ASTN2: variants seen among roughly 807,000 people sequenced by gnomAD.
The protein encoded by ASTN2 is astrotactin-2.
Under a neutral mutation model 139.8 loss-of-function variants are expected in ASTN2, and 54 were observed. The ratio of observed to expected loss-of-function variants is 0.39; its 90% confidence interval spans 0.31 to 0.48. The LOEUF is 0.48. Among genes scored for constraint, ASTN2 ranks in the 20% least tolerant of loss-of-function variants. ASTN2 has a pLI of 0.95. For synonymous variants in ASTN2, 756 were observed against 719.5 expected (o/e 1.05, Z -0.81); for missense variants, 1,565 against 1,725.1 (o/e 0.91, Z 1.64).
chr9:117,340,481 A>C (rs1026843980), intron 1 of ASTN2, among the ~76,000 whole-genome samples: 8 of 152,266 alleles, frequency 5.3e-5, no homozygotes, highest in South Asian at 2.1e-4. Context: ...CCACCTCTAA[A>C]GAATACATCA....
chr9:117,085,400 A>G (rs1347710682), intron 5 of ASTN2, among the ~76,000 whole-genome samples: 3 of 152,154 alleles, frequency 2.0e-5, no homozygotes, highest in African/African-American at 7.2e-5. Flanking sequence ...CATAGTTTGA[A>G]TCTTTCTCCT....
chr9:116,623,667 G>T (rs1856289297), intron 17 of ASTN2, among the ~76,000 whole-genome samples: 1 of 152,170 alleles, frequency 6.6e-6, no homozygotes, highest in Admixed American at 6.5e-5. Flanking sequence ...CAAGGTGATA[G>T]AACAACTTCA....
chr9:116,813,524 T>C (rs1831222575), intron 12 of ASTN2, among the ~76,000 whole-genome samples: 2 of 152,188 alleles, frequency 1.3e-5, no homozygotes, highest in African/African-American at 4.8e-5. Context: ...TAATTACAAA[T>C]GACCTCTTCC....
At chr9:116,673,145 G>A (rs1024408523) in intron 16 of ASTN2, among the ~76,000 whole-genome samples, 96 of 152,084 alleles carry the variant, frequency 6.3e-4, no homozygotes, top group Non-Finnish European at 5.9e-5. Flanking sequence ...TCATCTAGAG[G>A]GTATTTAAAC....
chr9:116,734,641 T>C (rs1237829946), intron 13 of ASTN2, among the ~76,000 whole-genome samples: 1 of 152,118 alleles, frequency 6.6e-6, no homozygotes, highest in African/African-American at 2.4e-5. Context: ...TTTTGACACA[T>C]GGAATGGTCA....
intron 3 of ASTN2, among the ~76,000 whole-genome samples, chr9:117,190,769 AC>A (rs1361443483): frequency 6.6e-6 from 1 of 151,960 alleles, no homozygotes; most frequent in African/African-American, 2.4e-5. Context: ...GATCATTAAG[AC>A]CTTTCCTGAG....
At chr9:116,451,900 T>C (rs968282758) in intron 20 of ASTN2, among the ~76,000 whole-genome samples, 3 of 151,828 alleles carry the variant, frequency 2.0e-5, no homozygotes, top group Middle Eastern at 3.4e-3. Context: ...AAAATGCAGG[T>C]TGGCATGTGG....
intron 11 of ASTN2, among the ~76,000 whole-genome samples, chr9:116,827,401 C>G (rs1363299826): frequency 6.7e-6 from 1 of 150,124 alleles, no homozygotes; most frequent in Non-Finnish European, 1.5e-5. Context: ...AAGATCAGAG[C>G]AGAAATAAAT....
At chr9:117,043,949 A>G (rs892961175) in intron 5 of ASTN2, among the ~76,000 whole-genome samples, 1 of 151,994 alleles carries the variant, frequency 6.6e-6, no homozygotes, top group African/African-American at 2.4e-5. Context: ...AAGAAAAAAC[A>G]AAGAGTCAAC....
chr9:116,477,888 A>C lies in ASTN2; in HGVS notation c.3497+9471T>G, dbSNP rs374711656. Among the ~76,000 whole-genome samples the C allele has an allele frequency of 4.0e-5, 6 of 151,212 alleles. No homozygotes were observed. The East Asian group carries it at 1.2e-3, about 30-fold the overall frequency. ...AAAAAAAAAAAAATGAAAGAAAAGAAAAAGACAGAGAGAGATGGACAGGAA... is the reference window on the plus strand; with the variant it reads ...AAAAAAAAAAAAATGAAAGAAAAGACAAAGACAGAGAGAGATGGACAGGAA... On this transcript the variant is annotated intron_variant, in intron 20 of 22. Coordinates refer to ENST00000313400, the MANE Select transcript of ASTN2 (RefSeq NM_001365068.1).
chr9:116,600,120 TG>T (rs1386798724), intron 19 of ASTN2, among the ~76,000 whole-genome samples: 1 of 151,982 alleles, frequency 6.6e-6, no homozygotes, highest in African/African-American at 2.4e-5. Flanking sequence ...TCCAGGAGTT[TG>T]GGACCAGCCT....
chr9:116,924,938 C>A (rs953899286), intron 10 of ASTN2, among the ~76,000 whole-genome samples: 1 of 152,118 alleles, frequency 6.6e-6, no homozygotes, highest in African/African-American at 2.4e-5. Context: ...AAGATGAAGT[C>A]ACTGTGGTTC....
At chr9:116,802,247 CG>C (rs1830883651) in intron 13 of ASTN2, among the ~76,000 whole-genome samples, 1 of 151,900 alleles carries the variant, frequency 6.6e-6, no homozygotes, top group African/African-American at 2.4e-5. Context: ...CCACCACGCC[CG>C]GCTAATTTTT....
Position 116,563,641 on chromosome 9 carries a change from C to T in ASTN2, c.3355+54683G>A, listed in dbSNP as rs117517893. Among the ~76,000 whole-genome samples the T allele has an allele frequency of 7.8e-3, 1,181 of 152,218 alleles. 7 individuals carry two copies. The highest frequency in any genetic ancestry group is 0.013 in the Non-Finnish European group (875 of 68,012). ...CTTACTTATTTAAAACTAGACAGCC[C>T]TTTCCCTCATCTAGCATAGTTGTCT... On this transcript the variant is annotated intron_variant, in intron 19 of 22. Coordinates refer to ENST00000313400, the MANE Select transcript of ASTN2 (RefSeq NM_001365068.1).
At chr9:117,188,883 C>T (rs16934379) in intron 3 of ASTN2, among the ~76,000 whole-genome samples, 2,483 of 152,148 alleles carry the variant, frequency 0.016, 61 homozygotes, top group African/African-American at 0.058. Context: ...GCAGGCAGGT[C>T]GGTGGCCTCT....
At chr9:116,576,670 G>A (rs1161099839) in intron 19 of ASTN2, among the ~76,000 whole-genome samples, 1 of 152,156 alleles carries the variant, frequency 6.6e-6, no homozygotes, top group East Asian at 1.9e-4. Context: ...GTGTGCCTGT[G>A]CCTGTGCCTG....
At chr9:116,589,756 C>T (rs545133513) in intron 19 of ASTN2, among the ~76,000 whole-genome samples, 1 of 152,300 alleles carries the variant, frequency 6.6e-6, no homozygotes, top group East Asian at 1.9e-4. Context: ...CAGGTCATGC[C>T]TACTGTGGCA....
chr9:117,109,687 T>C (rs1357455550), intron 4 of ASTN2, among the ~76,000 whole-genome samples: 33 of 152,220 alleles, frequency 2.2e-4, no homozygotes. Flanking sequence ...GTAATAAAGT[T>C]TCAGTTGTTT....
chr9:117,292,290 C>G (rs1834614100), intron 1 of ASTN2, among the ~76,000 whole-genome samples: 1 of 152,076 alleles, frequency 6.6e-6, no homozygotes, highest in South Asian at 2.1e-4. Flanking sequence ...TCTGTAAATA[C>G]TTTTAAAGTG....
Sources: gnomAD v4.1 joint callset for allele counts (sites outside exome capture counted in the v4.1 genomes callset) on GRCh38, gnomAD v4.1.1 for gene constraint, MANE v1.5 for transcripts, NCBI Gene and HGNC (gene_info 2026-07-23, HGNC 2026-07-21) for gene names.